ANK3: variants seen among roughly 807,000 people sequenced by gnomAD.
ANK3 encodes ankyrin-3.
Under a neutral mutation model 370.9 loss-of-function variants are expected in ANK3, and 57 were observed. That is an observed-to-expected ratio of 0.15 (90% CI 0.12 to 0.19). The LOEUF is 0.19. Ranked by LOEUF, ANK3 falls within the 10% of genes least tolerant of loss-of-function variation. The pLI, the probability that ANK3 is intolerant of heterozygous loss-of-function variation, is 1.00. For synonymous variants in ANK3, 1,929 were observed against 1,946.3 expected (o/e 0.99, Z 0.23); for missense variants, 4,439 against 5,302.1 (o/e 0.84, Z 5.06).
Position 60,084,835 on chromosome 10 carries a change from G to A in ANK3, c.3846-5C>T, listed in dbSNP as rs1243814114. The A allele has an allele frequency of 2.6e-6, 4 of 1,514,832 alleles. No individual in the cohort carries two copies. Among genetic ancestry groups the A allele is most frequent in the Admixed American group, 2.4e-5 (1 of 41,988 alleles). The allele number at this position is 1,514,832 out of a possible 1,614,324, so 93.8% of individuals were successfully genotyped here. A position where few individuals can be genotyped will look rare whatever the true frequency, so the allele number is the denominator to read the frequency against. On this transcript the variant is annotated splice_region_variant and splice_polypyrimidine_tract_variant and intron_variant, in intron 31 of 43. Coordinates refer to ENST00000280772, the MANE Select transcript of ANK3 (RefSeq NM_020987.5). Reference sequence around the variant, plus strand: ...TGGCAGTCTGCAAGCCAAAATCTGAGCAAAACAAAAAACAGAAGTATGAAA... The same window carrying A: ...TGGCAGTCTGCAAGCCAAAATCTGAACAAAACAAAAAACAGAAGTATGAAA...
chr10:60,199,145 C>T (rs1339222658), intron 13 of ANK3, among the ~76,000 whole-genome samples: 2 of 152,178 alleles, frequency 1.3e-5, no homozygotes, highest in Non-Finnish European at 2.9e-5. Flanking sequence ...GCAGGAGGTA[C>T]TCACCAAGTC....
chr10:60,393,939 G>C (rs977334936), upstream of ANK3, among the ~76,000 whole-genome samples: 1 of 151,856 alleles, frequency 6.6e-6, no homozygotes, highest in Non-Finnish European at 1.5e-5. Flanking sequence ...AGAAACTAAA[G>C]AGAGAAATGG....
intron 2 of ANK3, among the ~76,000 whole-genome samples, chr10:60,577,826 T>C (rs1265778366): frequency 6.6e-6 from 1 of 152,194 alleles, no homozygotes; most frequent in African/African-American, 2.4e-5. Context: ...TAGTCTTCTT[T>C]GAGTCTTCAT....
chr10:60,684,176 G>A (rs2079235395), intron 1 of ANK3, among the ~76,000 whole-genome samples: 1 of 152,214 alleles, frequency 6.6e-6, no homozygotes, highest in Non-Finnish European at 1.5e-5. Context: ...AAGGGAGGGA[G>A]AAGCAGTTTG....
At chr10:60,370,730 G>A (rs115517868) in intron 1 of ANK3, among the ~76,000 whole-genome samples, 1,809 of 152,214 alleles carry the variant, frequency 0.012, 36 homozygotes, top group African/African-American at 0.042. Flanking sequence ...AAATTATTCA[G>A]TAATTATTCT....
chr10:60,597,511 T>C (rs2078004415), intron 2 of ANK3, among the ~76,000 whole-genome samples: 1 of 152,212 alleles, frequency 6.6e-6, no homozygotes, highest in Non-Finnish European at 1.5e-5. Flanking sequence ...AGTCAAGCGA[T>C]GGGCACAATC....
At chr10:60,534,345 G>A (rs2076676387) in intron 2 of ANK3, among the ~76,000 whole-genome samples, 1 of 152,108 alleles carries the variant, frequency 6.6e-6, no homozygotes, top group South Asian at 2.1e-4. Flanking sequence ...ACGCATTCAT[G>A]TCTCAGCAGA....
chr10:60,687,657 C>T (rs57305112), intron 1 of ANK3, among the ~76,000 whole-genome samples: 1,791 of 152,170 alleles, frequency 0.012, 35 homozygotes, highest in African/African-American at 0.04. Flanking sequence ...GTTAAGGAGG[C>T]TCCTCAAAAA....
chr10:60,084,776 T>C lies in ANK3; in HGVS notation c.3900A>G (p.Gln1300=). 2 of 1,596,970 alleles carry C rather than the reference T, an allele frequency of 1.3e-6. No homozygotes were observed. The highest frequency in any genetic ancestry group is 1.7e-6 in the Non-Finnish European group (2 of 1,173,140). The change falls in exon 32 of 44, where the codon CAA becomes CAG. Residue 1300 remains glutamine, a synonymous_variant. Transcript: ENST00000280772. Reference sequence around the variant, plus strand: ...GAACACATATCAATTCTCTGTACAGTTGCGTGGCTAACCCCACAGTTTCTA... The same window carrying C: ...GAACACATATCAATTCTCTGTACAGCTGCGTGGCTAACCCCACAGTTTCTA... The part of the protein sequence containing the change: ...QVLETVGLAT[Q]LYRELICVPY...
chr10:60,387,480 T>A (rs1414169995), intron 1 of ANK3, among the ~76,000 whole-genome samples: 16 of 152,212 alleles, frequency 1.1e-4, no homozygotes, highest in Admixed American at 1.0e-3. Flanking sequence ...CTATGAATAT[T>A]ATATCTTCTG....
intron 1 of ANK3, among the ~76,000 whole-genome samples, chr10:60,292,043 G>C (rs568579348): frequency 2.8e-4 from 43 of 152,236 alleles, no homozygotes; most frequent in Non-Finnish European, 5.6e-4. Context: ...AAATGAAAAC[G>C]AATTATTCAA....
rs71495633 is a variant in ANK3 at position 60,270,176 on chromosome 10, G to A, written c.468C>T (p.Val156=). 4,409 of 1,599,896 alleles carry A rather than the reference G, an allele frequency of 2.8e-3. 137 individuals are homozygous for A. The African/African-American group carries it at 0.054, about 19-fold the overall frequency. ...MAAQENHLEV[V]KFLLDNGASQ... ...TTGCACCATTGTCAAGAAGAAACTT[G>A]ACAACTTCCAGGTGATTTTCCTGGG... is the stretch of plus-strand genomic sequence containing the variant. Residue 156 remains valine (V), a synonymous_variant, in exon 5 of 44, where the codon GTC becomes GTT. Coordinates refer to ENST00000280772, the MANE Select transcript of ANK3 (RefSeq NM_020987.5).
intron 1 of ANK3, among the ~76,000 whole-genome samples, chr10:60,700,454 C>G (rs989356465): frequency 3.3e-5 from 5 of 151,850 alleles, no homozygotes; most frequent in Admixed American, 2.6e-4. Context: ...AAAATTTCCC[C>G]CCTGGAATTA....
chr10:60,084,986 T>C (rs1242383246), intron 31 of ANK3, among the ~76,000 whole-genome samples, 156 bp from the exon 32 acceptor site: 1 of 152,248 alleles, frequency 6.6e-6, no homozygotes, highest in Non-Finnish European at 1.5e-5. Flanking sequence ...TTTCGATGTA[T>C]CAAACACAGA....
chr10:60,118,556 G>T (rs573738769), intron 25 of ANK3, among the ~76,000 whole-genome samples: 1 of 141,802 alleles, frequency 7.1e-6, no homozygotes, highest in South Asian at 2.3e-4. Context: ...GTTTCAGTCT[G>T]GCCTCATTTA....
intron 30 of ANK3, 178 bp downstream of exon 30, chr10:60,086,498 AG>A: frequency 1.9e-6 from 1 of 524,668 alleles, no homozygotes; most frequent in South Asian, 4.0e-5. Flanking sequence ...GATCTTCCCA[AG>A]AAATGATCCT....
intron 2 of ANK3, chr10:60,572,644 A>G: frequency 9.6e-6 from 14 of 1,458,932 alleles, no homozygotes; most frequent in Non-Finnish European, 1.3e-5. Context: ...GGTGCTCCCC[A>G]GGCAAAGCAG....
chr10:60,034,081 G>C (rs376527167), intron 43 of ANK3, among the ~76,000 whole-genome samples: 1 of 105,414 alleles, frequency 9.5e-6, no homozygotes, highest in Non-Finnish European at 2.1e-5. Context: ...TTCTGTTTTT[G>C]TTTTTTTTTT....
upstream of ANK3, among the ~76,000 whole-genome samples, chr10:60,390,796 G>GA (rs71015790): frequency 4.0e-4 from 58 of 145,288 alleles, no homozygotes; most frequent in Admixed American, 1.4e-3. Flanking sequence ...AAATGAGTCA[G>GA]AAAAAAAAAA....
Sources: gnomAD v4.1 joint callset for allele counts (sites outside exome capture counted in the v4.1 genomes callset) on GRCh38, gnomAD v4.1.1 for gene constraint, MANE v1.5 for transcripts, NCBI Gene and HGNC (gene_info 2026-07-23, HGNC 2026-07-21) for gene names.